The following GPR155 variants were observed in gnomAD, a reference collection of about 807,000 sequenced individuals.
GPR155 encodes the protein G protein-coupled receptor 155.
A neutral mutation model predicts 93.1 loss-of-function variants in GPR155; 65 were observed. The observed-to-expected ratio is 0.70, with a 90% CI of 0.57 to 0.86. The LOEUF (loss-of-function observed/expected upper bound fraction) is 0.86, where lower values mean the gene tolerates loss of function less well. Among genes scored for constraint, GPR155 ranks in the 40% least tolerant of loss-of-function variants. The pLI is 0.00. For synonymous variants in GPR155, 319 were observed against 360.1 expected (o/e 0.89, Z 1.29); for missense variants, 838 against 1,034.8 (o/e 0.81, Z 2.61).
At chr2:174,470,701 G>C in intron 3 of GPR155, 146 bp from the exon 4 acceptor site, 1 of 567,354 alleles carries the variant, frequency 1.8e-6, no homozygotes, top group South Asian at 3.1e-5. Context: ...TGTCTACCTG[G>C]GCACATTTTG....
chr2:174,438,629 T>C (rs1012513607), intron 15 of GPR155, among the ~76,000 whole-genome samples: 6 of 152,090 alleles, frequency 3.9e-5, no homozygotes, highest in African/African-American at 1.4e-4. Flanking sequence ...TGCTGCAGCC[T>C]CCTGAGTAGC....
intron 14 of GPR155, among the ~76,000 whole-genome samples, chr2:174,441,010 A>C (rs79506297): frequency 7.1e-5 from 10 of 141,478 alleles, no homozygotes; most frequent in Non-Finnish European, 1.1e-4. Flanking sequence ...GACATTTTCA[A>C]GTTTCATTTA....
At position 174,472,972 on chromosome 2, in the gene GPR155, C is replaced by G. The variant is rs1239538191; in HGVS notation, c.853G>C (p.Ala285Pro). 1 of 1,582,516 alleles carries G rather than the reference C, an allele frequency of 6.3e-7. No individual in the cohort carries two copies. Among genetic ancestry groups the G allele is most frequent in the Admixed American group, 2.1e-5 (1 of 48,198 alleles). The change falls in exon 3 of 16, where the codon GCT becomes CCT. Residue 285 changes from alanine to proline, a missense_variant. Physicochemically the swap from Ala to Pro is conservative, Grantham distance 27. Coordinates refer to ENST00000392552, the MANE Select transcript of GPR155 (RefSeq NM_152529.7). ...TAAATAAGTGATGCTTACAGTTTAG[C>G]TGTGATGAGAAGAATTAGTACTACA... ...AFVVLILLITAKLLVLPLLCR... is the reference protein window; with the variant it reads ...AFVVLILLITPKLLVLPLLCR...
At chr2:174,476,328 G>A (rs944886698) in intron 2 of GPR155, among the ~76,000 whole-genome samples, 8 of 152,224 alleles carry the variant, frequency 5.3e-5, no homozygotes, top group Non-Finnish European at 1.0e-4. Context: ...TTCTTTTACC[G>A]GGCATGGTGG....
rs1688334972 is a variant in GPR155, at chr2:174,481,903, C to A, written c.54G>T (p.Lys18Asn). Residue 18 changes from lysine to asparagine, a missense_variant, in exon 2 of 16, where the codon AAG becomes AAT. Around this residue, in one of 3 missense-constraint regions of GPR155, gnomAD observed 663 missense variants for 790.1 expected, o/e 0.84. Coordinates refer to ENST00000392552, the MANE Select transcript of GPR155 (RefSeq NM_152529.7). ...ENLTIAVNMT[K>N]TLPTAVTHGF... Reference sequence around the variant, plus strand: ...CATGCGTTACTGCTGTAGGCAAAGTCTTGGTCATATTGACTGCAATGGTTA... The same window carrying A: ...CATGCGTTACTGCTGTAGGCAAAGTATTGGTCATATTGACTGCAATGGTTA... The A allele has an allele frequency of 1.2e-6, 2 of 1,614,108 alleles. No homozygotes were observed. The highest frequency in any genetic ancestry group is 1.7e-6 in the Non-Finnish European group (2 of 1,180,012).
intron 11 of GPR155, among the ~76,000 whole-genome samples, chr2:174,448,310 G>A (rs1687202196): frequency 1.3e-5 from 2 of 152,230 alleles, no homozygotes; most frequent in Non-Finnish European, 2.9e-5. Context: ...TGGGAGCAGA[G>A]GTTACAGTGA....
chr2:174,462,271 T>C (rs1408846342), intron 7 of GPR155, among the ~76,000 whole-genome samples: 1 of 152,148 alleles, frequency 6.6e-6, no homozygotes, highest in Non-Finnish European at 1.5e-5. Context: ...AATCATTTTA[T>C]TGTTTTGATT....
intron 11 of GPR155, among the ~76,000 whole-genome samples, chr2:174,451,852 G>T (rs750654273): frequency 1.3e-5 from 2 of 152,052 alleles, no homozygotes; most frequent in Non-Finnish European, 2.9e-5. Flanking sequence ...TGGCTATGTT[G>T]CCCAGGCTGG....
chr2:174,485,620 AT>A (rs1440906613), intron 1 of GPR155, among the ~76,000 whole-genome samples: 1 of 151,694 alleles, frequency 6.6e-6, no homozygotes, highest in Non-Finnish European at 1.5e-5. Flanking sequence ...AAAAAAAGCA[AT>A]CTGCCCCTCC....
chr2:174,469,098 C>G (rs756110091), intron 4 of GPR155, 31 bp from the exon 5 acceptor site: 2 of 1,601,386 alleles, frequency 1.2e-6, no homozygotes, highest in Non-Finnish European at 1.7e-6. Context: ...AGAGGAGTTA[C>G]AATCTCAATT....
intron 11 of GPR155, among the ~76,000 whole-genome samples, chr2:174,450,134 GAAA>G (rs34260976): frequency 2.2e-5 from 3 of 136,782 alleles, no homozygotes; most frequent in Non-Finnish European, 3.1e-5. Flanking sequence ...ATCCTGTCTT[GAAA>G]AAAAAAAAAA....
intron 1 of GPR155, among the ~76,000 whole-genome samples, chr2:174,484,771 A>T (rs1328700176): frequency 6.6e-6 from 1 of 152,188 alleles, no homozygotes; most frequent in African/African-American, 2.4e-5. Context: ...GTCTCTACAA[A>T]AAATTAGCTG....
intron 10 of GPR155, among the ~76,000 whole-genome samples, chr2:174,457,276 C>T (rs570240875): frequency 1.3e-5 from 2 of 152,280 alleles, no homozygotes; most frequent in East Asian, 3.9e-4. Context: ...TGCTCCACTG[C>T]GCTCCAGCCT....
At chr2:174,468,426 A>C (rs1687900708) in intron 5 of GPR155, among the ~76,000 whole-genome samples, 1 of 152,168 alleles carries the variant, frequency 6.6e-6, no homozygotes, top group Admixed American at 6.5e-5. Context: ...AAGTAACCAA[A>C]AGTTTCATTA....
intron 14 of GPR155, among the ~76,000 whole-genome samples, 162 bp downstream of exon 14, chr2:174,441,957 A>G (rs888255265): frequency 1.3e-5 from 2 of 151,682 alleles, no homozygotes; most frequent in Non-Finnish European, 2.9e-5. Flanking sequence ...TATGTTGCCC[A>G]GGCTGGTCTT....
At chr2:174,469,176 T>C in intron 4 of GPR155, 109 bp from the exon 5 acceptor site, 1 of 852,534 alleles carries the variant, frequency 1.2e-6, no homozygotes, top group East Asian at 2.6e-5. Context: ...TGAGACACAG[T>C]AAAGACATTA....
At chr2:174,473,454 T>C in intron 2 of GPR155, 90 bp from the exon 3 acceptor site, 1 of 868,350 alleles carries the variant, frequency 1.2e-6, no homozygotes, top group East Asian at 2.8e-5. Context: ...TTTATAGCAA[T>C]GATAAATCTA....
At chr2:174,476,335 G>A (rs543586567) in intron 2 of GPR155, among the ~76,000 whole-genome samples, 1 of 152,216 alleles carries the variant, frequency 6.6e-6, no homozygotes, top group Non-Finnish European at 1.5e-5. Flanking sequence ...ACCGGGCATG[G>A]TGGCTCATGC....
rs1039915721 is a variant in GPR155 at position 174,487,025 on chromosome 2, A to G, written c.-184T>C. The G allele has an allele frequency of 2.6e-5, 4 of 151,988 alleles. No homozygotes were observed. Among genetic ancestry groups the G allele is most frequent in the African/African-American group, 9.7e-5 (4 of 41,308 alleles). The allele number at this position is 151,988 out of a possible 1,614,324, so 9.4% of individuals were successfully genotyped here. A position where few individuals can be genotyped will look rare whatever the true frequency, so the allele number is the denominator to read the frequency against. On this transcript the variant is annotated 5_prime_UTR_variant, in exon 1 of 16. Transcript: ENST00000392552. ...TGCAGCAGCTTAGGCACGTTCCGAT[A>G]AAGTAAGGTGGGGTAAGCCGATGCG...
Sources: gnomAD v4.1 joint callset for allele counts (sites outside exome capture counted in the v4.1 genomes callset) on GRCh38, gnomAD v4.1.1 for gene constraint, gnomAD v4.1.1 regional missense constraint, MANE v1.5 for transcripts, NCBI Gene and HGNC (gene_info 2026-07-23, HGNC 2026-07-21) for gene names.